BRWD1: variants seen among roughly 807,000 people sequenced by gnomAD.
BRWD1 encodes the protein bromodomain and WD repeat domain containing 1, also known as bromodomain and WD repeat-containing protein 1.
In BRWD1, 82 loss-of-function variants were observed where a neutral mutation model predicts 251.2. The ratio of observed to expected loss-of-function variants is 0.33; its 90% CI spans 0.27 to 0.39. The LOEUF (loss-of-function observed/expected upper bound fraction) is 0.39. Among genes scored for constraint, BRWD1 ranks in the 10% least tolerant of loss-of-function variants. The pLI is 1.00. For synonymous variants in BRWD1, 918 were observed against 902.8 expected (o/e 1.02, Z -0.30); for missense variants, 2,233 against 2,711.6 (o/e 0.82, Z 3.92).
intron 1 of BRWD1, among the ~76,000 whole-genome samples, chr21:39,320,359 G>A (rs1461845984): frequency 6.6e-6 from 1 of 152,072 alleles, no homozygotes; most frequent in Non-Finnish European, 1.5e-5. Flanking sequence ...TGTTGAAACA[G>A]TGTCTCAGTC....
At position 39,282,550 on chromosome 21, in the gene BRWD1, G is replaced by A. The variant is rs573820541; in HGVS notation, c.832-2302C>T. 3.9e-5 allele frequency among the ~76,000 whole-genome samples: 6 copies of A among 152,128 alleles called. No individual in the cohort carries two copies. In the South Asian group the frequency reaches 1.2e-3, roughly 32 times the overall value. On this transcript the variant is annotated intron_variant, in intron 8 of 40. Coordinates refer to ENST00000342449, the MANE Select transcript of BRWD1 (RefSeq NM_033656.4). ...ATTCCTTTGCTTTCTTAATAAACTT[G>A]CTTTCACTTTAAAAAAAATTTAAAC...
intron 25 of BRWD1, 77 bp from the exon 26 acceptor site, chr21:39,229,513 T>A: frequency 7.4e-7 from 1 of 1,354,682 alleles, no homozygotes; most frequent in Non-Finnish European, 1.0e-6. Context: ...ACTGTTATAT[T>A]AAGTAAACTC....
intron 15 of BRWD1, among the ~76,000 whole-genome samples, chr21:39,269,490 A>C (rs1013179382): frequency 2.0e-5 from 3 of 152,114 alleles, no homozygotes; most frequent in African/African-American, 7.2e-5. Flanking sequence ...GAGTAATCAA[A>C]TATTGTAATA....
At chr21:39,264,003 A>G (rs1186853985) in intron 17 of BRWD1, among the ~76,000 whole-genome samples, 2 of 152,180 alleles carry the variant, frequency 1.3e-5, no homozygotes, top group African/African-American at 2.4e-5. Context: ...CTGACCTGTA[A>G]TCTTCAAATA....
In BRWD1 at chr21:39,300,955, G is replaced by A. The variant is rs371093715; in HGVS notation, c.199-2373C>T. On this transcript the variant is annotated intron_variant, in intron 4 of 40. Coordinates refer to ENST00000342449, the MANE Select transcript of BRWD1 (RefSeq NM_033656.4). ...CCACTTTGGGAGGCCAAGGCGGGCA[G>A]ATTACGAGGTCAGGAGATCGAGACC... Among the ~76,000 whole-genome samples the A allele has an allele frequency of 7.2e-5, 11 of 152,294 alleles. No homozygotes were observed. In the East Asian group the frequency reaches 1.5e-3, roughly 21 times the overall value.
intron 17 of BRWD1, among the ~76,000 whole-genome samples, chr21:39,261,599 G>A (rs758892647): frequency 6.6e-6 from 1 of 152,036 alleles, no homozygotes; most frequent in Non-Finnish European, 1.5e-5. Flanking sequence ...TATGAAGATG[G>A]CTGTGACCTT....
At chr21:39,197,505 T>A in intron 40 of BRWD1, 90 bp from the exon 41 acceptor site, 2 of 1,077,870 alleles carry the variant, frequency 1.9e-6, no homozygotes, top group Non-Finnish European at 2.7e-6. Context: ...GAATTCGTAT[T>A]AATTTGAAGG....
At chr21:39,285,634 G>A (rs1461327437) in intron 8 of BRWD1, among the ~76,000 whole-genome samples, 1 of 152,020 alleles carries the variant, frequency 6.6e-6, no homozygotes, top group Non-Finnish European at 1.5e-5. Flanking sequence ...AATTTAAAAA[G>A]AATGTAGGCT....
At chr21:39,308,831 A>G (rs1024529631) in intron 4 of BRWD1, among the ~76,000 whole-genome samples, 5 of 152,230 alleles carry the variant, frequency 3.3e-5, no homozygotes, top group Non-Finnish European at 7.3e-5. Flanking sequence ...GGTCTCCAGT[A>G]AATCAATGGC....
rs150733449 is a variant in BRWD1, at chr21:39,194,817, C to T, written c.*1442G>A. ...TAATATTGATACCAGTCTGATGCTT[C>T]ACCTTATCTGCCACTTCAAAGATAC... On this transcript the variant is annotated 3_prime_UTR_variant, in exon 41 of 41. Transcript: ENST00000342449. 413 of 1,534,480 alleles carry T rather than the reference C, an allele frequency of 2.7e-4. 1 individual carries two copies. The African/African-American group carries it at 4.8e-3, about 18-fold the overall frequency.
chr21:39,267,299 A>T (rs1335012517), intron 15 of BRWD1, among the ~76,000 whole-genome samples: 1 of 152,100 alleles, frequency 6.6e-6, no homozygotes, highest in African/African-American at 2.4e-5. Context: ...CACTGCCTCT[A>T]AAATACATCA....
Position 39,199,288 on chromosome 21 carries a change from T to C in BRWD1, c.5128A>G (p.Ser1710Gly). The C allele has an allele frequency of 6.2e-7, 1 of 1,614,220 alleles. No individual in the cohort carries two copies. Among genetic ancestry groups the C allele is most frequent in the Non-Finnish European group, 8.5e-7 (1 of 1,180,030 alleles). The change falls in exon 40 of 41, where the codon AGC (serine) becomes GGC (glycine). Residue 1710 changes from serine (S) to glycine (G), a missense_variant. Coordinates refer to ENST00000342449, the MANE Select transcript of BRWD1 (RefSeq NM_033656.4). ...CTGTTTTCAGATTCATCAACATTGC[T>C]CTGGGCAGTGTGAGAACTGGACACT... ...LPVSSSHTAQSNVDESENRDS... is the reference protein window; with the variant it reads ...LPVSSSHTAQGNVDESENRDS...
Position 39,258,560 on chromosome 21 carries a change from T to TTGC in BRWD1, c.1995_1997dup (p.Gln666dup). 1 of 1,613,698 alleles carries TTGC rather than the reference T, an allele frequency of 6.2e-7. No individual in the cohort carries two copies. The highest frequency in any genetic ancestry group is 8.5e-7 in the Non-Finnish European group (1 of 1,179,750). On this transcript the variant is annotated inframe_insertion, in exon 18 of 41. Transcript: ENST00000342449. Reference sequence around the variant, plus strand: ...CCTGATCTGCTCCCATTCTCTGATCTTGCTGCTGCTGCAACTGTCTTATCA... The same window carrying TTGC: ...CCTGATCTGCTCCCATTCTCTGATCTTGCTGCTGCTGCTGCAACTGTCTTATCA...
chr21:39,259,866 A>G (rs1185240104), intron 17 of BRWD1, among the ~76,000 whole-genome samples: 1 of 152,092 alleles, frequency 6.6e-6, no homozygotes, highest in Non-Finnish European at 1.5e-5. Flanking sequence ...AATTAAAAAT[A>G]AAGGAGATTA....
chr21:39,226,566 CAT>C (rs2033391771), intron 27 of BRWD1, among the ~76,000 whole-genome samples: 1 of 152,182 alleles, frequency 6.6e-6, no homozygotes, highest in Admixed American at 6.5e-5. Context: ...GCTGAAAAAT[CAT>C]AATAGCTGGG....
At position 39,296,373 on chromosome 21, in the gene BRWD1, G is replaced by C. The variant is rs1568966000; in HGVS notation, c.350-10C>G. The C allele has an allele frequency of 1.9e-6, 3 of 1,553,428 alleles. No individual in the cohort carries two copies. Among genetic ancestry groups the C allele is most frequent in the Admixed American group, 4.2e-5 (2 of 47,200 alleles). ...ACTGTGTGCCTGCAGTCTTTAAAATGAATTTTAGATACACATAAAATCTTG... is the reference window on the plus strand; with the variant it reads ...ACTGTGTGCCTGCAGTCTTTAAAATCAATTTTAGATACACATAAAATCTTG... On this transcript the variant is annotated splice_polypyrimidine_tract_variant and intron_variant, in intron 5 of 40. Coordinates refer to ENST00000342449, the MANE Select transcript of BRWD1 (RefSeq NM_033656.4).
intron 4 of BRWD1, among the ~76,000 whole-genome samples, chr21:39,305,120 T>C (rs35769610): frequency 0.5 from 76,519 of 151,796 alleles, 19,607 homozygotes; most frequent in African/African-American, 0.57. Context: ...CCACCATGCC[T>C]GGCTAATTTT....
upstream of BRWD1, chr21:39,313,891 C>T (rs1365993831): frequency 1.9e-5 from 6 of 322,534 alleles, no homozygotes; most frequent in Non-Finnish European, 3.6e-5. Context: ...AGGCGGCTGC[C>T]CGGGCTTTGT....
At chr21:39,264,865 T>C (rs561118938) in intron 16 of BRWD1, 26 bp downstream of exon 16, 4 of 1,605,624 alleles carry the variant, frequency 2.5e-6, no homozygotes, top group African/African-American at 1.3e-5. Context: ...ATTACTTGCA[T>C]GCTACAACAA....
Sources: allele counts gnomAD v4.1 joint callset (sites outside exome capture counted in the v4.1 genomes callset), GRCh38; gene constraint gnomAD v4.1.1; transcripts MANE v1.5; gene names NCBI Gene and HGNC (gene_info 2026-07-23, HGNC 2026-07-21).